Variants in RHPN2 observed in about 807,000 individuals in gnomAD.
RHPN2 encodes the protein rhophilin-2.
Under a neutral mutation model 79.0 loss-of-function variants are expected in RHPN2, and 40 were observed. The observed-to-expected ratio is 0.51, with a 90% CI of 0.39 to 0.66. The LOEUF is 0.66. Among genes scored for constraint, RHPN2 ranks in the 30% least tolerant of loss-of-function variants. RHPN2 has a pLI of 0.00. For missense variants in RHPN2, 686 were observed against 883.5 expected (o/e 0.78, Z 2.83); for synonymous variants, 285 against 363.5 (o/e 0.78, Z 2.46).
intron 4 of RHPN2, among the ~76,000 whole-genome samples, chr19:33,015,376 G>A (rs1390765859): frequency 1.3e-5 from 2 of 152,118 alleles, no homozygotes; most frequent in Non-Finnish European, 2.9e-5. Context: ...AGTGAGCTGA[G>A]ATTGAGCCAT....
At chr19:33,061,971 A>C (rs1189729386) in intron 1 of RHPN2, among the ~76,000 whole-genome samples, 1 of 152,034 alleles carries the variant, frequency 6.6e-6, no homozygotes, top group Non-Finnish European at 1.5e-5. Context: ...CCCGACCCTC[A>C]TTTGCTTTAG....
intron 4 of RHPN2, among the ~76,000 whole-genome samples, chr19:33,018,777 G>A (rs1971898416): frequency 6.6e-6 from 1 of 152,114 alleles, no homozygotes; most frequent in Non-Finnish European, 1.5e-5. Context: ...GGGAGCGGCG[G>A]CTCACACCTG....
chr19:33,031,241 TTCTATTCTATTCTAC>T (rs1972008816), intron 2 of RHPN2, among the ~76,000 whole-genome samples: 1 of 151,202 alleles, frequency 6.6e-6, no homozygotes, highest in African/African-American at 2.4e-5. Flanking sequence ...TTCTATTCTA[TTCTATTCTATTCTAC>T]TCTATTCTAT....
intron 1 of RHPN2, among the ~76,000 whole-genome samples, chr19:33,055,209 C>A (rs905088616): frequency 4.1e-4 from 63 of 151,980 alleles, no homozygotes; most frequent in Non-Finnish European, 6.2e-4. Context: ...TAAAAATCAG[C>A]CAGGTGTGGC....
chr19:33,002,257 G>A lies in RHPN2; in HGVS notation c.1095C>T (p.Ile365=), dbSNP rs768366794. 8 of 1,612,968 alleles carry A rather than the reference G, an allele frequency of 5.0e-6. No individual in the cohort carries two copies. In the African/African-American group the frequency reaches 8.0e-5, roughly 16 times the overall value. Residue 365 remains isoleucine (I), a synonymous_variant, in exon 9 of 15, where the codon ATC becomes ATT. Coordinates refer to ENST00000254260, the MANE Select transcript of RHPN2 (RefSeq NM_033103.5). ...CCCCCCAGGCCTTACCCTGGTGGTC[G>A]ATGAGGAGGATGGCAGTGAAGTAGT... ...LAHYFTAILL[I]DHQVKPGTDL... is the part of the protein sequence containing the mutation.
Position 33,064,788 on chromosome 19 carries a change from C to T in RHPN2, c.65G>A (p.Arg22Gln). Residue 22 changes from arginine to glutamine, a missense_variant, in exon 1 of 15, where the codon CGG becomes CAG. Physicochemically the swap from Arg to Gln is conservative, Grantham distance 43. Transcript: ENST00000254260. ...PLEKENDGYF[R>Q]KGCNPLAQTG... ...CGCCCGCCCGAAGCCGCCCACCTTC[C>T]GAAAGTAGCCGTCGTTCTCCTTCTC... 1 of 1,520,304 alleles carries T rather than the reference C, an allele frequency of 6.6e-7. No homozygotes were observed. Among genetic ancestry groups the T allele is most frequent in the Non-Finnish European group, 8.8e-7 (1 of 1,140,016 alleles). 94.2% of individuals were successfully genotyped at this position (1,520,304 alleles called of 1,614,324 possible).
At chr19:33,009,116 G>A (rs1433014074) in intron 6 of RHPN2, among the ~76,000 whole-genome samples, 1 of 152,068 alleles carries the variant, frequency 6.6e-6, no homozygotes. Context: ...GGGGAGGGAG[G>A]GAGGGGGAGC....
At position 32,980,097 on chromosome 19, in the gene RHPN2, T is replaced by A. The variant is rs535587255; in HGVS notation, c.1960A>T (p.Ser654Cys). Residue 654 changes from serine to cysteine, a missense_variant, in exon 15 of 15, where the codon AGC becomes TGC. Ser to Cys is a moderately radical substitution (Grantham distance 112). Coordinates refer to ENST00000254260, the MANE Select transcript of RHPN2 (RefSeq NM_033103.5). ...GTNKNRQKSA[S>C]TLCLPSVGAA... ...CCGACCGATGGGAGGCACAAGGTGC[T>A]GGCTGACTTCTGTCTGTTCTTGTTG... 3 of 1,613,868 alleles carry A rather than the reference T, an allele frequency of 1.9e-6. No individual in the cohort carries two copies. The highest frequency in any genetic ancestry group is 2.5e-6 in the Non-Finnish European group (3 of 1,179,872).
intron 1 of RHPN2, among the ~76,000 whole-genome samples, chr19:33,045,050 C>CT (rs367927850): frequency 0.11 from 14,486 of 127,262 alleles, 2,597 homozygotes; most frequent in African/African-American, 0.37. Context: ...TGAGTATCTA[C>CT]TTTTTTTTTT....
At chr19:33,064,469 C>A (rs1377120680) in intron 1 of RHPN2, among the ~76,000 whole-genome samples, 1 of 138,560 alleles carries the variant, frequency 7.2e-6, no homozygotes, top group Non-Finnish European at 1.6e-5. Flanking sequence ...GGATCGCAAG[C>A]GAGGGGTGGC....
intron 14 of RHPN2, among the ~76,000 whole-genome samples, chr19:32,987,521 C>T (rs180744063): frequency 8.5e-5 from 13 of 152,198 alleles, no homozygotes; most frequent in African/African-American, 2.2e-4. Flanking sequence ...TCAATGCAAC[C>T]CATCACCCTC....
chr19:33,015,376 G>C (rs1390765859), intron 4 of RHPN2, among the ~76,000 whole-genome samples: 1 of 152,118 alleles, frequency 6.6e-6, no homozygotes, highest in Admixed American at 6.5e-5. Flanking sequence ...AGTGAGCTGA[G>C]ATTGAGCCAT....
intron 2 of RHPN2, among the ~76,000 whole-genome samples, chr19:33,030,042 T>C (rs1276602859): frequency 1.3e-5 from 2 of 152,224 alleles, no homozygotes; most frequent in Non-Finnish European, 2.9e-5. Flanking sequence ...GGCAAGTGGT[T>C]CCACATAAAC....
intron 1 of RHPN2, among the ~76,000 whole-genome samples, chr19:33,046,060 T>C (rs1599833233): frequency 6.6e-6 from 1 of 151,930 alleles, no homozygotes; most frequent in African/African-American, 2.4e-5. Flanking sequence ...AAGATTTCAT[T>C]ACATAGATAC....
intron 4 of RHPN2, among the ~76,000 whole-genome samples, chr19:33,020,595 G>A (rs1399543748): frequency 6.6e-6 from 1 of 151,722 alleles, no homozygotes; most frequent in Non-Finnish European, 1.5e-5. Flanking sequence ...CACCTTCCAG[G>A]TTCGAACGAC....
At chr19:33,006,845 C>A (rs1227732953) in intron 7 of RHPN2, among the ~76,000 whole-genome samples, 1 of 152,016 alleles carries the variant, frequency 6.6e-6, no homozygotes, top group Non-Finnish European at 1.5e-5. Context: ...AGTTTGAGAC[C>A]AGCCTGGCCA....
chr19:33,055,160 G>A (rs935401807), intron 1 of RHPN2, among the ~76,000 whole-genome samples: 1 of 152,004 alleles, frequency 6.6e-6, no homozygotes, highest in African/African-American at 2.4e-5. Flanking sequence ...GACCAGCCTA[G>A]GCAACACAGT....
At chr19:33,039,227 C>T (rs1431934502) in intron 2 of RHPN2, among the ~76,000 whole-genome samples, 1 of 152,106 alleles carries the variant, frequency 6.6e-6, no homozygotes, top group Non-Finnish European at 1.5e-5. Flanking sequence ...ATCAGCCAGA[C>T]CGGCAGGACA....
chr19:33,045,988 G>A (rs1972139683), intron 1 of RHPN2, among the ~76,000 whole-genome samples: 1 of 152,166 alleles, frequency 6.6e-6, no homozygotes, highest in South Asian at 2.1e-4. Flanking sequence ...TTGCCATGAT[G>A]TTCTCAAGGT....
Sources: allele counts gnomAD v4.1 joint callset (sites outside exome capture counted in the v4.1 genomes callset), GRCh38; gene constraint gnomAD v4.1.1; transcripts MANE v1.5; gene names NCBI Gene and HGNC (gene_info 2026-07-23, HGNC 2026-07-21).